GRM8: variants seen among roughly 807,000 people sequenced by gnomAD.
The protein encoded by GRM8 is glutamate metabotropic receptor 8, also known as metabotropic glutamate receptor 8.
GRM8 carries 47 observed loss-of-function variants against 87.2 expected under a neutral mutation model. The ratio of observed to expected loss-of-function variants is 0.54; its 90% CI spans 0.43 to 0.69. GRM8 has a LOEUF of 0.69. GRM8 is among the 30% of genes least tolerant of loss of function. The probability of loss-of-function intolerance (pLI) is 0.00; values close to 1 mark genes in which losing one functional copy is unlikely to be tolerated. For missense variants in GRM8, 1,019 were observed against 1,139.2 expected (o/e 0.89, Z 1.52); for synonymous variants, 396 against 404.5 (o/e 0.98, Z 0.25).
intron 6 of GRM8, among the ~76,000 whole-genome samples, chr7:126,889,731 TG>T (rs1386314641): frequency 6.6e-6 from 1 of 152,124 alleles, no homozygotes; most frequent in Non-Finnish European, 1.5e-5. Context: ...TTAGGAAACC[TG>T]TGAGAAATTA....
At chr7:126,907,219 TGGA>T (rs1196042360) in intron 3 of GRM8, among the ~76,000 whole-genome samples, 10 of 119,746 alleles carry the variant, frequency 8.4e-5, no homozygotes, top group South Asian at 8.0e-4. Context: ...GAGGAAGAGA[TGGA>T]GGAGGAGGAG....
intron 9 of GRM8, among the ~76,000 whole-genome samples, chr7:126,479,140 T>A (rs1048688847): frequency 6.6e-6 from 1 of 152,118 alleles, no homozygotes; most frequent in African/African-American, 2.4e-5. Context: ...AATATTCTGT[T>A]CTTCACAAGC....
intron 3 of GRM8, among the ~76,000 whole-genome samples, chr7:126,994,435 T>G (rs1582255): frequency 0.34 from 51,738 of 152,000 alleles, 8,949 homozygotes; most frequent in Non-Finnish European, 0.38. Context: ...AAGTGGGCTC[T>G]TAGGGATCCC....
intron 6 of GRM8, among the ~76,000 whole-genome samples, chr7:126,788,420 A>ACAAAAAAAACAAAAAACAAAAAAC (rs1554492200): frequency 4.9e-5 from 4 of 81,126 alleles, no homozygotes; most frequent in Non-Finnish European, 9.3e-5. Context: ...AAAAAAAAAA[A>ACAAAAAAAACAAAAAACAAAAAAC]AAACCCTTTC....
chr7:127,171,898 T>A (rs909054765), intron 2 of GRM8, among the ~76,000 whole-genome samples: 2 of 152,318 alleles, frequency 1.3e-5, no homozygotes, highest in African/African-American at 4.8e-5. Flanking sequence ...CACACACATA[T>A]GTGTTCCATA....
At chr7:127,200,179 T>G in intron 2 of GRM8, among the ~76,000 whole-genome samples, 1 of 152,190 alleles carries the variant, frequency 6.6e-6, no homozygotes, top group Non-Finnish European at 1.5e-5. Context: ...ATACCTTTTC[T>G]GGTCTATGTA....
chr7:126,634,859 GT>G (rs1801693786), intron 7 of GRM8, among the ~76,000 whole-genome samples: 1 of 152,124 alleles, frequency 6.6e-6, no homozygotes, highest in African/African-American at 2.4e-5. Flanking sequence ...TGATGTTAAT[GT>G]TTACTTTTAA....
intron 6 of GRM8, among the ~76,000 whole-genome samples, chr7:126,865,387 A>G (rs535511705): frequency 1.7e-4 from 26 of 152,248 alleles, no homozygotes; most frequent in Non-Finnish European, 3.4e-4. Context: ...TAATCAAGAA[A>G]GAACTTTTAT....
At chr7:127,166,733 T>C (rs1476976116) in intron 2 of GRM8, among the ~76,000 whole-genome samples, 3 of 152,168 alleles carry the variant, frequency 2.0e-5, no homozygotes, top group African/African-American at 7.2e-5. Flanking sequence ...GAAGAAAAGA[T>C]ACCTGAAAAT....
chr7:126,550,264 G>A (rs1252585309), intron 8 of GRM8, among the ~76,000 whole-genome samples: 1 of 151,844 alleles, frequency 6.6e-6, no homozygotes, highest in Non-Finnish European at 1.5e-5. Flanking sequence ...ACAGGCACAC[G>A]CCACCACGCC....
chr7:126,514,227 C>T (rs1231516251), intron 9 of GRM8, among the ~76,000 whole-genome samples: 1 of 152,036 alleles, frequency 6.6e-6, no homozygotes, highest in Non-Finnish European at 1.5e-5. Context: ...CATTGACTTG[C>T]AATTGGGATA....
intron 6 of GRM8, among the ~76,000 whole-genome samples, chr7:126,790,011 CTCTT>C (rs982248570): frequency 6.7e-5 from 10 of 148,546 alleles, no homozygotes; most frequent in African/African-American, 1.8e-4. Flanking sequence ...CATTCTCTCT[CTCTT>C]TTTTTTTTTT....
intron 2 of GRM8, among the ~76,000 whole-genome samples, chr7:127,144,783 G>T (rs7791539): frequency 6.6e-6 from 1 of 151,802 alleles, no homozygotes; most frequent in South Asian, 2.1e-4. Flanking sequence ...GTCATTCTGG[G>T]TGGACATTTT....
At chr7:126,580,394 C>T (rs1795499840) in intron 8 of GRM8, among the ~76,000 whole-genome samples, 1 of 152,014 alleles carries the variant, frequency 6.6e-6, no homozygotes, top group African/African-American at 2.4e-5. Context: ...CTTCATGTCC[C>T]TTGTCCAGAA....
intron 8 of GRM8, among the ~76,000 whole-genome samples, chr7:126,580,158 A>G (rs1243550301): frequency 6.6e-6 from 1 of 152,260 alleles, no homozygotes; most frequent in South Asian, 2.1e-4. Context: ...TGATACAGTT[A>G]ATCTTCCTAA....
intron 3 of GRM8, chr7:127,080,613 C>T (rs1161648769): frequency 4.0e-5 from 6 of 151,772 alleles, no homozygotes; most frequent in African/African-American, 9.7e-5. Flanking sequence ...GAGATATAAG[C>T]GTCCCCTGGA....
At chr7:126,455,708 T>C (rs2150500505) in intron 9 of GRM8, among the ~76,000 whole-genome samples, 1 of 151,832 alleles carries the variant, frequency 6.6e-6, no homozygotes, top group East Asian at 2.0e-4. Context: ...AAGTCTCTGA[T>C]GAACCACTGG....
intron 6 of GRM8, among the ~76,000 whole-genome samples, chr7:126,866,649 T>C (rs1172539631): frequency 3.6e-5 from 5 of 139,306 alleles, no homozygotes; most frequent in Non-Finnish European, 7.6e-5. Context: ...TGGAGTGCTG[T>C]GGTGCAATCT....
chr7:126,628,875 C>A, intron 7 of GRM8, among the ~76,000 whole-genome samples: 1 of 149,076 alleles, frequency 6.7e-6, no homozygotes, highest in African/African-American at 2.5e-5. Flanking sequence ...GTGTCATAAG[C>A]CAAACAGCCA....
Sources: allele counts gnomAD v4.1 joint callset (sites outside exome capture counted in the v4.1 genomes callset), GRCh38; gene constraint gnomAD v4.1.1; transcripts MANE v1.5; gene names NCBI Gene and HGNC (gene_info 2026-07-23, HGNC 2026-07-21).